The following DOCK6 variants were observed in gnomAD, a reference collection of about 807,000 sequenced individuals.
DOCK6 encodes dedicator of cytokinesis protein 6.
Under a neutral mutation model 230.3 loss-of-function variants are expected in DOCK6, and 167 were observed. The ratio of observed to expected loss-of-function variants is 0.73; its 90% CI spans 0.64 to 0.82. The LOEUF (loss-of-function observed/expected upper bound fraction) is 0.82, where lower values mean the gene tolerates loss of function less well. DOCK6 is among the 40% of genes least tolerant of loss of function. The pLI is 0.00. For missense variants in DOCK6, 2,598 were observed against 2,825.8 expected (o/e 0.92, Z 1.83); for synonymous variants, 1,148 against 1,185.0 (o/e 0.97, Z 0.64).
At position 11,243,496 on chromosome 19, in the gene DOCK6, C is replaced by T. The variant is rs2079981821; in HGVS notation, c.1258+61G>A. 9.0e-6 allele frequency: 14 copies of T among 1,548,982 alleles called. No homozygotes were observed. In the South Asian group the frequency reaches 1.7e-4, roughly 18 times the overall value. ...GCACCCCCTCGCCCCGTAGCCCCGC[C>T]CCAGGCCTGTCAGCACCACCCTTTA... On this transcript the variant is annotated intron_variant, in intron 11 of 47. Coordinates refer to ENST00000294618, the MANE Select transcript of DOCK6 (RefSeq NM_020812.4). The surrounding 1 kb of genome is among the most constrained non-coding windows in gnomAD (Gnocchi z 6.3).
chr19:11,219,252 C>T (rs545059868), intron 28 of DOCK6, among the ~76,000 whole-genome samples: 2 of 131,846 alleles, frequency 1.5e-5, no homozygotes, highest in African/African-American at 2.9e-5. Flanking sequence ...GACGCGATCT[C>T]GGCTCACTGC....
intron 35 of DOCK6, among the ~76,000 whole-genome samples, chr19:11,212,622 G>A (rs2079409200): frequency 6.8e-6 from 1 of 146,428 alleles, no homozygotes; most frequent in South Asian, 2.1e-4. Flanking sequence ...GAATGCAGTG[G>A]TGCAATCTTG....
At chr19:11,237,930 C>G in intron 16 of DOCK6, 115 bp downstream of exon 16, 1 of 1,430,688 alleles carries the variant, frequency 7.0e-7, no homozygotes, top group Non-Finnish European at 9.6e-7. Flanking sequence ...GGAGCCTCTA[C>G]CTCTCTTCTT....
chr19:11,202,650 A>T lies in DOCK6; in HGVS notation c.5295T>A (p.Asp1765Glu), dbSNP rs1262135277. 1 of 1,614,026 alleles carries T rather than the reference A, an allele frequency of 6.2e-7. No individual in the cohort carries two copies. Among genetic ancestry groups the T allele is most frequent in the Non-Finnish European group, 8.5e-7 (1 of 1,179,892 alleles). Residue 1765 changes from aspartate to glutamate, a missense_variant, in exon 42 of 48, where the codon GAT becomes GAA. Coordinates refer to ENST00000294618, the MANE Select transcript of DOCK6 (RefSeq NM_020812.4). The surrounding 1 kb of genome is among the most constrained non-coding windows in gnomAD (Gnocchi z 5.3). Reference protein sequence around the residue: ...GFYGAHFGDLDEQEFVYKEPS... With the variant: ...GFYGAHFGDLEEQEFVYKEPS... Reference sequence around the variant, plus strand: ...GCTCCTTGTACACAAACTCCTGCTCATCCAGGTCACCGAAGTGGGCGCCGT... The same window carrying T: ...GCTCCTTGTACACAAACTCCTGCTCTTCCAGGTCACCGAAGTGGGCGCCGT...
chr19:11,261,669 GA>G (rs1425088928), intron 1 of DOCK6, among the ~76,000 whole-genome samples: 1 of 152,076 alleles, frequency 6.6e-6, no homozygotes, highest in African/African-American at 2.4e-5. Flanking sequence ...AGTGGCCACG[GA>G]AATGGATCCC....
At chr19:11,239,852 G>T (rs752084449) in intron 14 of DOCK6, 1 of 1,598,882 alleles carries the variant, frequency 6.3e-7, no homozygotes, top group Non-Finnish European at 8.5e-7. Flanking sequence ...CTCTATGGCC[G>T]CACAATAGAA....
chr19:11,258,311 C>T (rs776990206), intron 1 of DOCK6, among the ~76,000 whole-genome samples: 5 of 152,126 alleles, frequency 3.3e-5, no homozygotes, highest in South Asian at 2.1e-4. Flanking sequence ...TGCTGGCATG[C>T]GGGAGGGAGC....
chr19:11,253,813 G>T, intron 1 of DOCK6, 87 bp from the exon 2 acceptor site: 2 of 996,974 alleles, frequency 2.0e-6, no homozygotes, highest in East Asian at 3.1e-5. Context: ...AATCCAGATT[G>T]TGGAACGAAA....
intron 1 of DOCK6, among the ~76,000 whole-genome samples, chr19:11,257,560 G>C (rs866796836): frequency 1.3e-5 from 2 of 151,600 alleles, no homozygotes; most frequent in African/African-American, 2.4e-5. Flanking sequence ...AGGCCGAGGC[G>C]GGCAGATCAT....
intron 37 of DOCK6, 131 bp from the exon 38 acceptor site, chr19:11,209,234 AC>A: frequency 9.7e-7 from 1 of 1,032,948 alleles, no homozygotes; most frequent in Non-Finnish European, 1.4e-6. Context: ...CCTCACCTGT[AC>A]CCCATCCCCT....
Position 11,235,744 on chromosome 19 carries a change from C to T in DOCK6, c.2408G>A (p.Gly803Glu). The T allele has an allele frequency of 6.3e-7, 1 of 1,593,786 alleles. No homozygotes were observed. Among genetic ancestry groups the T allele is most frequent in the Non-Finnish European group, 8.6e-7 (1 of 1,169,388 alleles). Residue 803 changes from glycine (G) to glutamate (E), a missense_variant, in exon 21 of 48, where the codon GGA (glycine) becomes GAA (glutamate). Transcript: ENST00000294618. ...TACATGGGCCATTGCTTCAAAGGCT[C>T]CACGGCCCAGGTTCACTGCAGGGCA... ...ISGQIVNLGR[G>E]AFEAMAHVVS...
intron 39 of DOCK6, 153 bp downstream of exon 39, chr19:11,208,533 C>T: frequency 9.1e-7 from 1 of 1,102,196 alleles, no homozygotes; most frequent in Admixed American, 2.9e-5. Context: ...CCTGCCTCCG[C>T]CTCCCAAAGT....
intron 2 of DOCK6, 111 bp downstream of exon 2, chr19:11,253,528 C>G (rs1484451120): frequency 1.4e-6 from 1 of 693,842 alleles, no homozygotes; most frequent in African/African-American, 1.9e-5. Flanking sequence ...TCGGTTTCCC[C>G]CCAGGACAGG....
At chr19:11,203,722 A>C in intron 41 of DOCK6, 1 of 365,298 alleles carries the variant, frequency 2.7e-6, no homozygotes, top group Admixed American at 4.5e-5. Context: ...ATACCAAGAT[A>C]GGGAGAGCCA....
At chr19:11,223,218 C>T (rs569783776) in intron 24 of DOCK6, 112 bp from the exon 25 acceptor site, 1 of 964,898 alleles carries the variant, frequency 1.0e-6, no homozygotes, top group Admixed American at 2.6e-5. Context: ...TGCCCCAAAG[C>T]CTTTGTCTGT....
Position 11,222,064 on chromosome 19 carries a change from T to C in DOCK6, c.3381-44A>G, listed in dbSNP as rs2079588593. The C allele has an allele frequency of 1.2e-6, 2 of 1,607,096 alleles. No homozygotes were observed. Among genetic ancestry groups the C allele is most frequent in the South Asian group, 2.2e-5 (2 of 90,764 alleles). On this transcript the variant is annotated intron_variant, in intron 27 of 47. Coordinates refer to ENST00000294618, the MANE Select transcript of DOCK6 (RefSeq NM_020812.4). The surrounding 1 kb of genome is among the most constrained non-coding windows in gnomAD (Gnocchi z 4.0). ...CTCAGGACAGGGTGGACATGGCTCC[T>C]GGACTGTCCCACCTGTCCTGGGGCT...
At chr19:11,227,575 T>TGAAGGGCTGTGGGTGGGGCTG in intron 23 of DOCK6, 98 bp from the exon 24 acceptor site, 1 of 1,413,906 alleles carries the variant, frequency 7.1e-7, no homozygotes, top group South Asian at 1.4e-5. Context: ...GGGTGGGGCT[T>TGAAGGGCTGTGGGTGGGGCTG]GAAGGACTGT....
At chr19:11,260,882 C>CAAAAAAA (rs59900669) in intron 1 of DOCK6, among the ~76,000 whole-genome samples, 3 of 61,768 alleles carry the variant, frequency 4.9e-5, no homozygotes, top group East Asian at 7.2e-4. Context: ...GACTCTGTCT[C>CAAAAAAA]AAAAAAAAAA....
At chr19:11,235,469 T>G in intron 21 of DOCK6, 129 bp downstream of exon 21, 2 of 948,696 alleles carry the variant, frequency 2.1e-6, no homozygotes. Flanking sequence ...CAAGTTGATC[T>G]CGAACTCCTG....
Sources: allele counts gnomAD v4.1 joint callset (sites outside exome capture counted in the v4.1 genomes callset), GRCh38; gene constraint gnomAD v4.1.1; non-coding constraint Gnocchi (gnomAD v3.1); transcripts MANE v1.5; gene names NCBI Gene and HGNC (gene_info 2026-07-23, HGNC 2026-07-21).